SNTG1: variants seen among roughly 807,000 people sequenced by gnomAD.
SNTG1 encodes the protein syntrophin gamma 1.
A neutral mutation model predicts 74.7 loss-of-function variants in SNTG1; 39 were observed. The observed-to-expected ratio is 0.52, with a 90% CI of 0.40 to 0.68. The LOEUF is 0.68. Among genes scored for constraint, SNTG1 ranks in the 30% least tolerant of loss-of-function variants. The probability of loss-of-function intolerance (pLI) is 0.00; values close to 1 mark genes in which losing one functional copy is unlikely to be tolerated. For missense variants in SNTG1, 685 were observed against 609.5 expected, an observed-to-expected ratio of 1.12 and a Z score of -1.30; for synonymous variants, 254 against 217.1, an observed-to-expected ratio of 1.17 and a Z score of -1.49.
intron 2 of SNTG1, among the ~76,000 whole-genome samples, chr8:50,190,915 A>G (rs1452879464): frequency 6.6e-5 from 10 of 152,250 alleles, no homozygotes; most frequent in East Asian, 3.9e-4. Flanking sequence ...ATAAGAATAA[A>G]TTGGGCTTAG....
intron 18 of SNTG1, among the ~76,000 whole-genome samples, chr8:50,752,693 T>C (rs562888266): frequency 2.2e-4 from 33 of 152,100 alleles, no homozygotes; most frequent in African/African-American, 7.5e-4. Context: ...AACATTACCA[T>C]ATTTCTATTA....
At chr8:50,345,677 A>T (rs939879679) in intron 2 of SNTG1, among the ~76,000 whole-genome samples, 1 of 152,256 alleles carries the variant, frequency 6.6e-6, no homozygotes, top group South Asian at 2.1e-4. Flanking sequence ...AACAAAAAAT[A>T]AGCAATGACT....
chr8:50,768,434 A>G (rs1009733840), intron 18 of SNTG1, among the ~76,000 whole-genome samples: 1 of 152,076 alleles, frequency 6.6e-6, no homozygotes, highest in Non-Finnish European at 1.5e-5. Flanking sequence ...TGAAGAATTC[A>G]TGATGTGTTG....
At chr8:50,301,236 T>C (rs147899158) in intron 2 of SNTG1, among the ~76,000 whole-genome samples, 2 of 152,290 alleles carry the variant, frequency 1.3e-5, no homozygotes, top group East Asian at 3.9e-4. Context: ...GGTGTTCTAA[T>C]GGACTATGGG....
At chr8:49,909,874 TCA>T (rs1481923761), upstream of SNTG1, 4 of 152,230 alleles carry the variant, frequency 2.6e-5, no homozygotes, top group African/African-American at 9.6e-5. Flanking sequence ...GCAAAATGGC[TCA>T]AAGTCCAACC....
At chr8:50,454,634 G>C (rs915283667) in intron 8 of SNTG1, among the ~76,000 whole-genome samples, 1 of 152,064 alleles carries the variant, frequency 6.6e-6, no homozygotes, top group Non-Finnish European at 1.5e-5. Flanking sequence ...TTGAGGCCAA[G>C]GGTTCCAGAC....
At chr8:50,487,391 T>G (rs1467354132) in intron 8 of SNTG1, among the ~76,000 whole-genome samples, 2 of 152,090 alleles carry the variant, frequency 1.3e-5, no homozygotes, top group African/African-American at 4.8e-5. Context: ...ATGCACACGT[T>G]TATTTATTGT....
intron 2 of SNTG1, among the ~76,000 whole-genome samples, chr8:50,320,016 C>T (rs758795318): frequency 4.6e-5 from 7 of 152,158 alleles, no homozygotes; most frequent in Non-Finnish European, 1.0e-4. Flanking sequence ...CAGGGTAATA[C>T]TGACCTGTAG....
chr8:50,514,049 C>T (rs1260376363), intron 9 of SNTG1, among the ~76,000 whole-genome samples: 1 of 152,216 alleles, frequency 6.6e-6, no homozygotes, highest in Non-Finnish European at 1.5e-5. Context: ...ATTTGGCCAT[C>T]TTGGCTCCCC....
chr8:50,069,425 T>C (rs1291640858), intron 1 of SNTG1, among the ~76,000 whole-genome samples: 1 of 152,136 alleles, frequency 6.6e-6, no homozygotes, highest in Non-Finnish European at 1.5e-5. Context: ...ATCATAAAGT[T>C]ATTATCCACA....
At chr8:50,718,704 A>T (rs1380959120) in intron 17 of SNTG1, among the ~76,000 whole-genome samples, 1 of 152,236 alleles carries the variant, frequency 6.6e-6, no homozygotes. Context: ...GGCCACTATC[A>T]AGTGGGAGGG....
intron 15 of SNTG1, among the ~76,000 whole-genome samples, chr8:50,691,769 G>A (rs1036210466): frequency 6.6e-6 from 1 of 152,058 alleles, no homozygotes; most frequent in Non-Finnish European, 1.5e-5. Flanking sequence ...TACATTCTCT[G>A]TATTTCCTGA....
intron 1 of SNTG1, among the ~76,000 whole-genome samples, chr8:50,113,262 T>C (rs1372432676): frequency 2.0e-5 from 3 of 152,198 alleles, no homozygotes; most frequent in Non-Finnish European, 4.4e-5. Flanking sequence ...TGTTTGTGTC[T>C]GCTTTTATTT....
chr8:50,149,650 T>A (rs1211887738), intron 1 of SNTG1, among the ~76,000 whole-genome samples: 1 of 152,226 alleles, frequency 6.6e-6, no homozygotes, highest in Non-Finnish European at 1.5e-5. Context: ...AAATAGGGAA[T>A]CCTTTCCCCA....
intron 15 of SNTG1, among the ~76,000 whole-genome samples, chr8:50,662,819 A>G (rs1052751526): frequency 3.9e-5 from 6 of 152,044 alleles, no homozygotes; most frequent in Admixed American, 6.5e-5. Flanking sequence ...AAATGCAGCT[A>G]TGGATGCAGA....
chr8:50,151,716 G>C (rs1415023195), intron 1 of SNTG1, among the ~76,000 whole-genome samples: 2 of 152,120 alleles, frequency 1.3e-5, no homozygotes, highest in African/African-American at 4.8e-5. Flanking sequence ...GTAGTTGATT[G>C]GTTTTGAGTG....
chr8:50,646,436 T>C (rs924174122), intron 13 of SNTG1, among the ~76,000 whole-genome samples: 2 of 152,188 alleles, frequency 1.3e-5, no homozygotes, highest in Admixed American at 1.3e-4. Flanking sequence ...CATGGTAATA[T>C]TAGATTAGCA....
chr8:50,093,363 T>TCACATAGA (rs1478649208), intron 1 of SNTG1, among the ~76,000 whole-genome samples: 1 of 152,104 alleles, frequency 6.6e-6, no homozygotes, highest in African/African-American at 2.4e-5. Flanking sequence ...ATGTTCACAA[T>TCACATAGA]CACATAGACA....
chr8:50,004,494 C>T (rs773624388), intron 1 of SNTG1, among the ~76,000 whole-genome samples: 1 of 152,154 alleles, frequency 6.6e-6, no homozygotes, highest in Non-Finnish European at 1.5e-5. Context: ...CAGCGTTGTG[C>T]TTGCTCACTC....
Sources: allele counts gnomAD v4.1 joint callset (sites outside exome capture counted in the v4.1 genomes callset), GRCh38; gene constraint gnomAD v4.1.1; transcripts MANE v1.5; gene names NCBI Gene and HGNC (gene_info 2026-07-23, HGNC 2026-07-21).